FBXW8: variants seen among roughly 807,000 people sequenced by gnomAD.
The protein encoded by FBXW8 is F-box and WD repeat domain containing 8.
A neutral mutation model predicts 65.3 loss-of-function variants in FBXW8; 57 were observed. The observed-to-expected ratio is 0.87, with a 90% CI of 0.71 to 1.09. The LOEUF (loss-of-function observed/expected upper bound fraction) is 1.09, where lower values mean the gene tolerates loss of function less well. Ranked by LOEUF, FBXW8 falls within the 50% of genes least tolerant of loss-of-function variation. The pLI is 0.00. For missense variants in FBXW8, 777 were observed against 814.8 expected (o/e 0.95, Z 0.57); for synonymous variants, 308 against 330.2 (o/e 0.93, Z 0.73).
chr12:116,981,518 A>G (rs1423637856), intron 5 of FBXW8, among the ~76,000 whole-genome samples: 1 of 152,270 alleles, frequency 6.6e-6, no homozygotes, highest in Non-Finnish European at 1.5e-5. Context: ...AAGATGTACA[A>G]ATAAAAAGTT....
chr12:116,924,043 T>G (rs914462943), intron 1 of FBXW8, among the ~76,000 whole-genome samples: 2 of 152,252 alleles, frequency 1.3e-5, no homozygotes, highest in South Asian at 4.1e-4. Context: ...ATTGTAGCCA[T>G]GTTGATATTT....
At chr12:117,027,697 C>T (rs564200624) in intron 10 of FBXW8, among the ~76,000 whole-genome samples, 193 bp downstream of exon 10, 3 of 152,288 alleles carry the variant, frequency 2.0e-5, no homozygotes, top group South Asian at 4.1e-4. Context: ...AGGACAGCCC[C>T]GTGGGGCGAG....
chr12:116,948,389 A>G (rs1277811590), intron 3 of FBXW8, among the ~76,000 whole-genome samples: 1 of 152,144 alleles, frequency 6.6e-6, no homozygotes, highest in Non-Finnish European at 1.5e-5. Context: ...GGATGTGTCT[A>G]GTTTTATCTC....
In FBXW8 at chr12:116,945,484, C is replaced by T. The variant is rs1360000419; in HGVS notation, c.544C>T (p.Gln182Ter). 3 of 1,613,998 alleles carry T rather than the reference C, an allele frequency of 1.9e-6. No individual in the cohort carries two copies. In the East Asian group the frequency reaches 6.7e-5, roughly 36 times the overall value. ...SDYSCWKLIF[Q>*]ECRAKEHMLR... ...CTATTCTTGCTGGAAGCTCATCTTC[C>T]AAGAGTGCCGAGCCAAGGAACACAT... The change falls in exon 3 of 11, where the codon CAA becomes TAA. Residue 182 changes from glutamine (Q) to a stop codon, truncating the protein, a stop_gained. Coordinates refer to ENST00000652555, the MANE Select transcript of FBXW8 (RefSeq NM_153348.3). LOFTEE classifies it high-confidence loss of function.
chr12:117,011,127 C>CTTTTTTTTTT (rs397946872), intron 8 of FBXW8, among the ~76,000 whole-genome samples: 51 of 122,170 alleles, frequency 4.2e-4, no homozygotes, highest in East Asian at 1.7e-3. Context: ...TTTTCTTTTC[C>CTTTTTTTTTT]TTTTTTTTTT....
chr12:117,023,046 C>T (rs984765818), intron 8 of FBXW8, among the ~76,000 whole-genome samples: 3 of 152,150 alleles, frequency 2.0e-5, no homozygotes, highest in African/African-American at 7.2e-5. Context: ...CACTTTGAGT[C>T]CTTTTCTGTT....
intron 2 of FBXW8, among the ~76,000 whole-genome samples, chr12:116,938,143 A>AT (rs569899466): frequency 2.6e-5 from 4 of 151,856 alleles, no homozygotes; most frequent in South Asian, 2.1e-4. Context: ...TTTCTTGTTG[A>AT]TTTTTTTTCC....
chr12:116,945,250 C>G, intron 2 of FBXW8, 114 bp from the exon 3 acceptor site: 1 of 955,028 alleles, frequency 1.0e-6, no homozygotes, highest in Non-Finnish European at 1.5e-6. Context: ...GTTAATGAGA[C>G]ATTTTATACT....
chr12:116,955,400 T>C (rs1883580391), intron 4 of FBXW8, among the ~76,000 whole-genome samples: 1 of 152,218 alleles, frequency 6.6e-6, no homozygotes, highest in Non-Finnish European at 1.5e-5. Flanking sequence ...AAAATTTATG[T>C]TCATAAGTCA....
intron 1 of FBXW8, among the ~76,000 whole-genome samples, chr12:116,914,703 C>CTT (rs1207631228): frequency 6.6e-6 from 1 of 151,774 alleles, no homozygotes; most frequent in African/African-American, 2.4e-5. Flanking sequence ...AGGAGAAACT[C>CTT]TGTCTCTACT....
chr12:116,918,041 A>G (rs1304741756), intron 1 of FBXW8, among the ~76,000 whole-genome samples: 1 of 151,884 alleles, frequency 6.6e-6, no homozygotes, highest in East Asian at 1.9e-4. Flanking sequence ...CCCAAGCCTC[A>G]TGTTTTATGA....
chr12:117,012,676 G>A (rs1953853477), intron 8 of FBXW8, among the ~76,000 whole-genome samples: 1 of 152,176 alleles, frequency 6.6e-6, no homozygotes, highest in Non-Finnish European at 1.5e-5. Flanking sequence ...TATGTCAAAA[G>A]TGGGAGAAAG....
chr12:116,922,835 A>T (rs114958840), intron 1 of FBXW8, among the ~76,000 whole-genome samples: 2,272 of 152,020 alleles, frequency 0.015, 52 homozygotes, highest in African/African-American at 0.046. Context: ...TGACTAGGAA[A>T]AAGGGGATGG....
In FBXW8 at chr12:117,028,547, C is replaced by T. The variant is rs117547175; in HGVS notation, c.*375C>T. On this transcript the variant is annotated 3_prime_UTR_variant, in exon 11 of 11. Transcript: ENST00000652555. The surrounding 1 kb of genome is among the most constrained non-coding windows in gnomAD (Gnocchi z 4.1). ...CAGCCCTGCAGGCCGTCTTTTCCGT[C>T]TCCAGCCCCTTACCTCTTTTCCTCC... The T allele has an allele frequency of 2.3e-4, 46 of 200,712 alleles. No individual in the cohort carries two copies. In the East Asian group the frequency reaches 3.8e-3, roughly 17 times the overall value. The allele number at this position is 200,712 out of a possible 1,614,324, so 12.4% of individuals were successfully genotyped here. A position where few individuals can be genotyped will look rare whatever the true frequency, so the allele number is the denominator to read the frequency against.
intron 6 of FBXW8, among the ~76,000 whole-genome samples, chr12:116,988,447 A>G (rs938703100): frequency 3.9e-5 from 6 of 152,146 alleles, no homozygotes; most frequent in Non-Finnish European, 5.9e-5. Flanking sequence ...TTTTCATTTT[A>G]TATTTCTCTT....
intron 3 of FBXW8, among the ~76,000 whole-genome samples, chr12:116,947,502 C>G (rs544709545): frequency 2.0e-5 from 3 of 152,190 alleles, no homozygotes; most frequent in Admixed American, 6.5e-5. Flanking sequence ...AATCCCAGCA[C>G]TTTGGGAGGC....
intron 3 of FBXW8, among the ~76,000 whole-genome samples, chr12:116,947,760 G>GA (rs1464225262): frequency 7.5e-5 from 9 of 119,510 alleles, no homozygotes; most frequent in South Asian, 2.7e-4. Flanking sequence ...AAAAAGAAAA[G>GA]AAAGAAAGAA....
intron 7 of FBXW8, among the ~76,000 whole-genome samples, chr12:117,008,302 GT>G (rs1953725541): frequency 6.6e-6 from 1 of 152,042 alleles, no homozygotes; most frequent in Non-Finnish European, 1.5e-5. Flanking sequence ...AGAACGTGAG[GT>G]TGCTCTTTTT....
rs1030384886 is a variant in FBXW8 at position 116,988,737 on chromosome 12, C to T, written c.1107C>T (p.Tyr369=). Residue 369 remains tyrosine (Y), a synonymous_variant, in exon 7 of 11, where the codon TAC becomes TAT. Transcript: ENST00000652555. ...TAGCCGCTGCTGGAGATCTGATGTA[C>T]CTGCTCAAAGCCGAAGACTCCGCCA... ...VAVAAAGDLM[Y]LLKAEDSART... The T allele has an allele frequency of 5.0e-6, 8 of 1,614,146 alleles. No homozygotes were observed. The Middle Eastern group carries it at 6.6e-4, about 133-fold the overall frequency.
Sources: allele counts gnomAD v4.1 joint callset (sites outside exome capture counted in the v4.1 genomes callset), GRCh38; gene constraint gnomAD v4.1.1; non-coding constraint Gnocchi (gnomAD v3.1); transcripts MANE v1.5; gene names NCBI Gene and HGNC (gene_info 2026-07-23, HGNC 2026-07-21).